SHISA6: variants seen among roughly 807,000 people sequenced by gnomAD.
The protein encoded by SHISA6 is shisa family member 6, also known as protein shisa-6.
SHISA6 carries 22 observed loss-of-function variants against 47.9 expected under a neutral mutation model. The observed-to-expected ratio is 0.46, with a 90% CI of 0.33 to 0.66. SHISA6 has a LOEUF of 0.66. Among genes scored for constraint, SHISA6 ranks in the 30% least tolerant of loss-of-function variants. SHISA6 has a pLI of 0.02. For missense variants in SHISA6, 680 were observed against 764.6 expected, an observed-to-expected ratio of 0.89 and a Z score of 1.30; for synonymous variants, 388 against 337.8, an observed-to-expected ratio of 1.15 and a Z score of -1.63.
intron 3 of SHISA6, among the ~76,000 whole-genome samples, chr17:11,525,590 G>A (rs1234727896): frequency 1.6e-5 from 2 of 126,492 alleles, no homozygotes; most frequent in Admixed American, 9.7e-5. Context: ...CCGAGATCGC[G>A]CCACTGCACT....
intron 2 of SHISA6, among the ~76,000 whole-genome samples, chr17:11,335,325 A>G (rs1373607262): frequency 6.6e-6 from 1 of 152,156 alleles, no homozygotes; most frequent in African/African-American, 2.4e-5. Flanking sequence ...ACAAATGAAT[A>G]TGGGTGAATG....
chr17:11,375,460 T>C (rs1329644043), intron 2 of SHISA6, among the ~76,000 whole-genome samples: 3 of 152,210 alleles, frequency 2.0e-5, no homozygotes, highest in Non-Finnish European at 4.4e-5. Context: ...CTGATCAGTT[T>C]GTTTCCCCCT....
intron 3 of SHISA6, among the ~76,000 whole-genome samples, chr17:11,433,094 TAGTATACTTAA>T (rs952053758): frequency 6.6e-6 from 1 of 152,234 alleles, no homozygotes; most frequent in African/African-American, 2.4e-5. Context: ...TATATCTTTT[TAGTATACTTAA>T]AGTTCTGGGG....
intron 3 of SHISA6, among the ~76,000 whole-genome samples, chr17:11,452,397 A>T (rs1179264886): frequency 6.6e-6 from 1 of 152,126 alleles, no homozygotes; most frequent in Non-Finnish European, 1.5e-5. Flanking sequence ...CCTCTCTTTA[A>T]TGGCAATGGT....
chr17:11,366,430 G>A (rs1471743539), intron 2 of SHISA6, among the ~76,000 whole-genome samples: 1 of 152,226 alleles, frequency 6.6e-6, no homozygotes, highest in African/African-American at 2.4e-5. Context: ...ATGAGCCACT[G>A]TGCCCAGCTA....
At chr17:11,438,693 G>A (rs1448486478) in intron 3 of SHISA6, among the ~76,000 whole-genome samples, 2 of 152,138 alleles carry the variant, frequency 1.3e-5, no homozygotes, top group Non-Finnish European at 2.9e-5. Flanking sequence ...CTGGGAGTTA[G>A]GGTTTCAACA....
At chr17:11,410,600 G>A (rs1384936081) in intron 3 of SHISA6, among the ~76,000 whole-genome samples, 5 of 151,940 alleles carry the variant, frequency 3.3e-5, no homozygotes, top group East Asian at 1.9e-4. Flanking sequence ...CAATAACCTC[G>A]CTGACTGATA....
At chr17:11,533,844 G>A (rs1399489868) in intron 3 of SHISA6, among the ~76,000 whole-genome samples, 2 of 151,784 alleles carry the variant, frequency 1.3e-5, no homozygotes, top group South Asian at 2.1e-4. Context: ...CACCTACCTC[G>A]CCTCCCAAAG....
intron 3 of SHISA6, among the ~76,000 whole-genome samples, chr17:11,489,883 A>G (rs1916432898): frequency 6.6e-6 from 1 of 152,156 alleles, no homozygotes. Context: ...CCCAACCACC[A>G]TCACACACAC....
chr17:11,493,348 T>C (rs1333382648), intron 3 of SHISA6, among the ~76,000 whole-genome samples: 1 of 152,068 alleles, frequency 6.6e-6, no homozygotes, highest in Non-Finnish European at 1.5e-5. Context: ...TGCCTCAGTC[T>C]CTGGAGTAGC....
chr17:11,378,664 T>A (rs1912900014), intron 2 of SHISA6, among the ~76,000 whole-genome samples: 1 of 152,190 alleles, frequency 6.6e-6, no homozygotes, highest in South Asian at 2.1e-4. Flanking sequence ...TCCACAATCC[T>A]AACCTGCCCT....
intron 2 of SHISA6, among the ~76,000 whole-genome samples, chr17:11,375,122 T>A (rs1020230673): frequency 7.9e-5 from 12 of 152,230 alleles, no homozygotes; most frequent in African/African-American, 1.7e-4. Context: ...TATCTAGATA[T>A]CGGTCCCTTT....
chr17:11,472,215 C>T (rs1915950751), intron 3 of SHISA6, among the ~76,000 whole-genome samples: 1 of 152,084 alleles, frequency 6.6e-6, no homozygotes, highest in African/African-American at 2.4e-5. Flanking sequence ...TCTTCTTTTA[C>T]TTGGTAATAT....
rs529072066 is a variant in SHISA6 at position 11,487,233 on chromosome 17, A to G, written c.896-64663A>G. On this transcript the variant is annotated intron_variant, in intron 3 of 5. Transcript: ENST00000441885. ...GGGGCATCAAGAGCCATGGCACCTG[A>G]CAGCCCCAAAGAGACTGAATAAGTA... Among the ~76,000 whole-genome samples, 32 of 152,316 alleles carry G rather than the reference A, an allele frequency of 2.1e-4. No homozygotes were observed. In the South Asian group the frequency reaches 6.2e-3, roughly 30 times the overall value.
chr17:11,389,841 C>A (rs780418931), intron 3 of SHISA6, among the ~76,000 whole-genome samples: 7 of 152,188 alleles, frequency 4.6e-5, no homozygotes, highest in African/African-American at 7.2e-5. Flanking sequence ...TTCCCTCATT[C>A]TCTACTGCTC....
intron 3 of SHISA6, among the ~76,000 whole-genome samples, chr17:11,530,230 C>A (rs1174857058): frequency 6.6e-6 from 1 of 152,118 alleles, no homozygotes; most frequent in African/African-American, 2.4e-5. Context: ...GAAATGGAAA[C>A]AACCTAGTTA....
At chr17:11,404,488 G>A (rs188309986) in intron 3 of SHISA6, among the ~76,000 whole-genome samples, 47 of 152,268 alleles carry the variant, frequency 3.1e-4, no homozygotes, top group Admixed American at 2.2e-3. Context: ...GGTTGTGGCT[G>A]ACTCACATGG....
In SHISA6 at chr17:11,241,946, A is replaced by G. The variant is rs1040447880; in HGVS notation, c.524A>G (p.Asn175Ser). 109 of 1,550,840 alleles carry G rather than the reference A, an allele frequency of 7.0e-5. No individual in the cohort carries two copies. The highest frequency in any genetic ancestry group is 8.7e-5 in the Non-Finnish European group (100 of 1,147,012). ...NKYDPEKDKTNFTVYITCGVI... is the reference protein window; with the variant it reads ...NKYDPEKDKTSFTVYITCGVI... ...TACGACCCGGAGAAGGACAAGACCA[A>G]CTTCACCGTCTACATCACCTGCGGG... is the stretch of plus-strand genomic sequence containing the variant. The change falls in exon 1 of 6, where the codon AAC becomes AGC. Residue 175 changes from asparagine to serine, a missense_variant. This residue lies in a region of SHISA6 where 559 missense variants were observed against 674.1 expected (regional missense o/e 0.83). Transcript: ENST00000441885. This position sits in a 1 kb window ranked among gnomAD's most constrained non-coding sequence, Gnocchi z 5.5.
chr17:11,528,621 T>C (rs1326034735), intron 3 of SHISA6, among the ~76,000 whole-genome samples: 1 of 151,968 alleles, frequency 6.6e-6, no homozygotes, highest in Non-Finnish European at 1.5e-5. Flanking sequence ...ACACAGACAC[T>C]GGGTGGAAAT....
Sources: gnomAD v4.1 joint callset for allele counts (sites outside exome capture counted in the v4.1 genomes callset) on GRCh38, gnomAD v4.1.1 for gene constraint, gnomAD v4.1.1 regional missense constraint, Gnocchi (gnomAD v3.1) non-coding constraint, MANE v1.5 for transcripts, NCBI Gene and HGNC (gene_info 2026-07-23, HGNC 2026-07-21) for gene names.